RASGEF1C: variants seen among roughly 807,000 people sequenced by gnomAD.
RASGEF1C encodes ras-GEF domain-containing family member 1C.
In RASGEF1C, 27 loss-of-function variants were observed where a neutral mutation model predicts 58.1. The ratio of observed to expected loss-of-function variants is 0.46; its 90% CI spans 0.34 to 0.64. RASGEF1C has a LOEUF of 0.64. Ranked by LOEUF, RASGEF1C falls within the 30% of genes least tolerant of loss-of-function variation. The pLI, the probability that RASGEF1C is intolerant of heterozygous loss-of-function variation, is 0.01. For synonymous variants in RASGEF1C, 243 were observed against 246.3 expected (o/e 0.99, Z 0.13); for missense variants, 502 against 605.1 (o/e 0.83, Z 1.79).
chr5:180,125,711 G>C (rs578204698), intron 6 of RASGEF1C, among the ~76,000 whole-genome samples: 16 of 152,166 alleles, frequency 1.1e-4, no homozygotes, highest in African/African-American at 3.9e-4. Flanking sequence ...GAACCCGGGA[G>C]GTGGAGGTTG....
chr5:180,150,916 C>T (rs556359224), intron 1 of RASGEF1C, among the ~76,000 whole-genome samples: 7 of 151,468 alleles, frequency 4.6e-5, no homozygotes, highest in Admixed American at 4.6e-4. Context: ...TTCTTATACA[C>T]CAATAACAGA....
chr5:180,178,886 G>C (rs1000891431), intron 1 of RASGEF1C, among the ~76,000 whole-genome samples: 1 of 152,158 alleles, frequency 6.6e-6, no homozygotes, highest in African/African-American at 2.4e-5. Context: ...AACAGCAGAA[G>C]GGACTGGAGA....
intron 1 of RASGEF1C, among the ~76,000 whole-genome samples, chr5:180,164,788 A>T (rs1766993649): frequency 6.6e-6 from 1 of 152,230 alleles, no homozygotes; most frequent in Non-Finnish European, 1.5e-5. Flanking sequence ...ACAAATGTCA[A>T]TTAACTCAGG....
chr5:180,125,238 A>C (rs186617553), intron 6 of RASGEF1C, among the ~76,000 whole-genome samples: 1 of 152,366 alleles, frequency 6.6e-6, no homozygotes, highest in Admixed American at 6.5e-5. Flanking sequence ...GGAGAAGAGA[A>C]TATGTGAGTA....
chr5:180,114,040 C>T (rs535780276), intron 11 of RASGEF1C, among the ~76,000 whole-genome samples: 1 of 152,284 alleles, frequency 6.6e-6, no homozygotes, highest in East Asian at 1.9e-4. Flanking sequence ...TCTGTTCACT[C>T]TGGCCTCGGC....
rs559642028 is a variant in RASGEF1C, at chr5:180,122,364, A to AT, written c.715-1216dup. On this transcript the variant is annotated intron_variant, in intron 6 of 13. Coordinates refer to ENST00000361132, the MANE Select transcript of RASGEF1C (RefSeq NM_175062.4). ...CCATAACATATCCTTTGGAAAAAAAATTTTTAAATGGATTTAGAACTTTCC... is the reference window on the plus strand; with the variant it reads ...CCATAACATATCCTTTGGAAAAAAAATTTTTTAAATGGATTTAGAACTTTCC... 3.9e-5 allele frequency among the ~76,000 whole-genome samples: 6 copies of AT among 152,284 alleles called. No individual in the cohort carries two copies. The South Asian group carries it at 1.2e-3, about 32-fold the overall frequency.
At chr5:180,108,833 A>T (rs1417746299) in intron 12 of RASGEF1C, among the ~76,000 whole-genome samples, 1 of 152,216 alleles carries the variant, frequency 6.6e-6, no homozygotes, top group East Asian at 1.9e-4. Context: ...GCTGGGGCTC[A>T]GTACATCCTA....
intron 1 of RASGEF1C, among the ~76,000 whole-genome samples, chr5:180,165,202 T>C (rs1766999191): frequency 6.6e-6 from 1 of 152,274 alleles, no homozygotes; most frequent in African/African-American, 2.4e-5. Flanking sequence ...ATTGGATCTT[T>C]AAAAAAACCC....
chr5:180,171,772 G>GT (rs1370381249), intron 1 of RASGEF1C, among the ~76,000 whole-genome samples: 1 of 152,232 alleles, frequency 6.6e-6, no homozygotes, highest in East Asian at 1.9e-4. Flanking sequence ...TAAATGCTTT[G>GT]TTTTCTCCCT....
At chr5:180,142,036 CATCT>C (rs1326097925) in intron 1 of RASGEF1C, among the ~76,000 whole-genome samples, 1 of 152,088 alleles carries the variant, frequency 6.6e-6, no homozygotes, top group Non-Finnish European at 1.5e-5. Flanking sequence ...TTAAGTCTCC[CATCT>C]GTGTTTTGTG....
intron 1 of RASGEF1C, among the ~76,000 whole-genome samples, chr5:180,199,151 G>A (rs1242886039): frequency 4.6e-5 from 7 of 152,176 alleles, no homozygotes. Flanking sequence ...GGCAGGGGGT[G>A]CCTTTCTCCT....
chr5:180,136,299 C>A, intron 4 of RASGEF1C, 79 bp downstream of exon 4: 1 of 1,418,562 alleles, frequency 7.0e-7, no homozygotes, highest in South Asian at 1.4e-5. Context: ...GATGAGGGCC[C>A]TGGGGTGCGG....
At chr5:180,201,893 T>G (rs1329203933) in intron 1 of RASGEF1C, among the ~76,000 whole-genome samples, 1 of 152,348 alleles carries the variant, frequency 6.6e-6, no homozygotes, top group East Asian at 1.9e-4. Context: ...CCAAATACCT[T>G]GATCTTGTAC....
chr5:180,137,428 G>A lies in RASGEF1C; in HGVS notation c.300+162C>T, dbSNP rs1303160271. Among the ~76,000 whole-genome samples the A allele has an allele frequency of 6.6e-6, 1 of 152,198 alleles. No homozygotes were observed. ...ACATGGAGGTTAAAGGTCCTGTTCTGCTCCTTCTGGCTCTGGGCCTCAGAC... is the reference window on the plus strand; with the variant it reads ...ACATGGAGGTTAAAGGTCCTGTTCTACTCCTTCTGGCTCTGGGCCTCAGAC... On this transcript the variant is annotated intron_variant, in intron 3 of 13. Coordinates refer to ENST00000361132, the MANE Select transcript of RASGEF1C (RefSeq NM_175062.4). The surrounding 1 kb of genome is among the most constrained non-coding windows in gnomAD (Gnocchi z 4.1).
In RASGEF1C at chr5:180,197,454, T is replaced by A. The variant is rs1216804524; in HGVS notation, c.-7+11574A>T. On this transcript the variant is annotated intron_variant, in intron 1 of 13. Transcript: ENST00000361132. This position sits in a 1 kb window ranked among gnomAD's most constrained non-coding sequence, Gnocchi z 4.7. The stretch of plus-strand genomic sequence containing the variant: ...GAAACCCACGGCTGCTCAGCATGTG[T>A]TTATTGGGTGGTCCACGTGATGGAC... Among the ~76,000 whole-genome samples, 1 of 151,958 alleles carries A rather than the reference T, an allele frequency of 6.6e-6. No individual in the cohort carries two copies. The highest frequency in any genetic ancestry group is 1.9e-4 in the East Asian group (1 of 5,174).
At position 180,137,213 on chromosome 5, in the gene RASGEF1C, A is replaced by T. The variant is rs1867452; in HGVS notation, c.300+377T>A. ...TCCCACTAGCGGTAGAGCCCTACCG[A>T]CGCGTGTGCAATAGAGGCAGCCCGC... On this transcript the variant is annotated intron_variant, in intron 3 of 13. Coordinates refer to ENST00000361132, the MANE Select transcript of RASGEF1C (RefSeq NM_175062.4). This position sits in a 1 kb window ranked among gnomAD's most constrained non-coding sequence, Gnocchi z 4.1. Among the ~76,000 whole-genome samples, 4,935 of 152,196 alleles carry T rather than the reference A, an allele frequency of 0.032. 266 individuals carry two copies. The highest frequency in any genetic ancestry group is 0.11 in the African/African-American group (4,686 of 41,510).
intron 10 of RASGEF1C, among the ~76,000 whole-genome samples, chr5:180,116,547 G>A (rs543876233): frequency 5.9e-5 from 9 of 152,302 alleles, no homozygotes; most frequent in East Asian, 5.8e-4. Context: ...AGGACAATGC[G>A]GTTAAAGTCA....
chr5:180,145,826 A>T (rs183191715), intron 1 of RASGEF1C, among the ~76,000 whole-genome samples: 72 of 152,194 alleles, frequency 4.7e-4, no homozygotes, highest in African/African-American at 1.6e-3. Flanking sequence ...TGCTGCTGGG[A>T]CCTCTGCAGG....
intron 1 of RASGEF1C, among the ~76,000 whole-genome samples, chr5:180,152,632 G>A (rs1011503875): frequency 2.0e-5 from 3 of 150,268 alleles, no homozygotes; most frequent in African/African-American, 7.4e-5. Flanking sequence ...GTTAATGGGT[G>A]CAGCACACCA....
Sources: gnomAD v4.1 joint callset for allele counts (sites outside exome capture counted in the v4.1 genomes callset) on GRCh38, gnomAD v4.1.1 for gene constraint, Gnocchi (gnomAD v3.1) non-coding constraint, MANE v1.5 for transcripts, NCBI Gene and HGNC (gene_info 2026-07-23, HGNC 2026-07-21) for gene names.